Variants in DPP10 observed in about 807,000 individuals in gnomAD.
DPP10 encodes inactive dipeptidyl peptidase 10.
A neutral mutation model predicts 120.9 loss-of-function variants in DPP10; 33 were observed. The observed-to-expected ratio is 0.27, with a 90% CI of 0.21 to 0.37. The LOEUF (loss-of-function observed/expected upper bound fraction) is 0.37. Ranked by LOEUF, DPP10 falls within the 10% of genes least tolerant of loss-of-function variation. The pLI, the probability that DPP10 is intolerant of heterozygous loss-of-function variation, is 1.00. For synonymous variants in DPP10, 337 were observed against 326.1 expected, an observed-to-expected ratio of 1.03 and a Z score of -0.36; for missense variants, 816 against 942.8, an observed-to-expected ratio of 0.87 and a Z score of 1.76.
At chr2:114,550,020 A>G (rs1342370174) in intron 1 of DPP10, among the ~76,000 whole-genome samples, 1 of 152,060 alleles carries the variant, frequency 6.6e-6, no homozygotes, top group East Asian at 1.9e-4. Context: ...GCCTTCATCC[A>G]TTTGTCACCT....
intron 7 of DPP10, among the ~76,000 whole-genome samples, chr2:115,697,212 A>G (rs1484309581): frequency 2.0e-5 from 3 of 152,138 alleles, no homozygotes; most frequent in Non-Finnish European, 2.9e-5. Context: ...AAAAATCACA[A>G]AAGTAAGTTA....
rs143079613 is a variant in DPP10, at chr2:115,613,021, A to G, written c.442-76666A>G. ...TCTCTTTTTAATGTGTGTAGCCACA[A>G]CTACTACATGACCTTCATGCTTTAC... On this transcript the variant is annotated intron_variant, in intron 5 of 25. Transcript: ENST00000410059. 2.6e-5 allele frequency among the ~76,000 whole-genome samples: 4 copies of G among 152,316 alleles called. No individual in the cohort carries two copies. The East Asian group carries it at 7.7e-4, about 29-fold the overall frequency.
At chr2:115,061,586 T>G (rs751718411) in intron 1 of DPP10, among the ~76,000 whole-genome samples, 1 of 152,208 alleles carries the variant, frequency 6.6e-6, no homozygotes, top group Non-Finnish European at 1.5e-5. Context: ...TTAAATAAAA[T>G]GCACAGTGTT....
chr2:114,997,095 A>AT (rs2104972149), intron 1 of DPP10, among the ~76,000 whole-genome samples: 1 of 152,130 alleles, frequency 6.6e-6, no homozygotes, highest in East Asian at 1.9e-4. Flanking sequence ...GTGATGGGAC[A>AT]TTAATTTGTG....
Position 115,804,281 on chromosome 2 carries a change from A to G in DPP10, c.1701-10512A>G, listed in dbSNP as rs555662134. On this transcript the variant is annotated intron_variant, in intron 19 of 25. Coordinates refer to ENST00000410059, the MANE Select transcript of DPP10 (RefSeq NM_020868.6). ...TCTCGTGCCTTGGTTTTCAGCTCCA[A>G]CAGGTCCTTTAAGGACTTCTCTGCA... Among the ~76,000 whole-genome samples the G allele has an allele frequency of 1.8e-4, 27 of 152,200 alleles. No homozygotes were observed. In the South Asian group the frequency reaches 4.8e-3, roughly 27 times the overall value.
intron 1 of DPP10, among the ~76,000 whole-genome samples, chr2:115,133,725 A>G (rs1349038282): frequency 1.3e-5 from 2 of 152,128 alleles, no homozygotes; most frequent in East Asian, 3.9e-4. Context: ...CATTATAACA[A>G]TCTACAGTCT....
In DPP10 at chr2:115,703,296, G is replaced by T. The variant is rs139462529; in HGVS notation, c.576+13375G>T. 1.2e-3 allele frequency among the ~76,000 whole-genome samples: 177 copies of T among 152,020 alleles called. 2 individuals are homozygous for T. Among genetic ancestry groups the T allele is most frequent in the African/African-American group, 4.1e-3 (171 of 41,502 alleles). On this transcript the variant is annotated intron_variant, in intron 7 of 25. Coordinates refer to ENST00000410059, the MANE Select transcript of DPP10 (RefSeq NM_020868.6). ...TTACTTACATTACAAATGAAAGATG[G>T]TCATAACTAGTTCCAGTTTTGTTTA...
rs1220431413 is a variant in DPP10, at chr2:115,326,403, T to C, written c.175+17050T>C. Among the ~76,000 whole-genome samples the C allele has an allele frequency of 2.6e-5, 4 of 152,232 alleles. No individual in the cohort carries two copies. In the South Asian group the frequency reaches 6.2e-4, roughly 24 times the overall value. On this transcript the variant is annotated intron_variant, in intron 2 of 25. Coordinates refer to ENST00000410059, the MANE Select transcript of DPP10 (RefSeq NM_020868.6). ...TTATATCACATAGAATTACATATGG[T>C]ACATAATAATAATGATAATAGACTA...
intron 1 of DPP10, among the ~76,000 whole-genome samples, chr2:115,003,976 T>C: frequency 6.6e-6 from 1 of 152,344 alleles, no homozygotes; most frequent in East Asian, 1.9e-4. Flanking sequence ...TATGTAGTTA[T>C]TAGTTTATTC....
At chr2:114,495,252 T>C (rs754826939) in intron 1 of DPP10, among the ~76,000 whole-genome samples, 1 of 152,200 alleles carries the variant, frequency 6.6e-6, no homozygotes, top group Non-Finnish European at 1.5e-5. Flanking sequence ...TTTGAGCAGA[T>C]GCTGAGTTTT....
intron 25 of DPP10, among the ~76,000 whole-genome samples, chr2:115,841,683 G>A (rs1168750173): frequency 3.3e-5 from 5 of 152,082 alleles, no homozygotes; most frequent in East Asian, 1.9e-4. Context: ...GATAATATTT[G>A]TATTTTTTAT....
At chr2:114,590,624 A>G (rs1415543325) in intron 1 of DPP10, among the ~76,000 whole-genome samples, 5 of 152,216 alleles carry the variant, frequency 3.3e-5, no homozygotes, top group African/African-American at 1.2e-4. Context: ...TACTCCCATC[A>G]TGAACAATTG....
Position 115,705,818 on chromosome 2 carries a change from A to ATAAGGT in DPP10, c.576+15897_576+15898insTAAGGT, listed in dbSNP as rs2092080442. On this transcript the variant is annotated intron_variant, in intron 7 of 25. Transcript: ENST00000410059. Reference sequence around the variant, plus strand: ...GCTTTTAGTTGCAGGGTATAAAAACAATCTCCCTTACCACATTGTAGTATT... The same window carrying ATAAGGT: ...GCTTTTAGTTGCAGGGTATAAAAACATAAGGTATCTCCCTTACCACATTGTAGTATT... Among the ~76,000 whole-genome samples the ATAAGGT allele has an allele frequency of 2.6e-5, 4 of 152,044 alleles. No individual in the cohort carries two copies. The East Asian group carries it at 5.8e-4, about 22-fold the overall frequency.
chr2:114,599,361 T>C (rs1326936356), intron 1 of DPP10, among the ~76,000 whole-genome samples: 1 of 151,868 alleles, frequency 6.6e-6, no homozygotes, highest in African/African-American at 2.4e-5. Flanking sequence ...CTTTAAAAAG[T>C]GCCTTCATTT....
chr2:115,083,090 T>C (rs2104508141), intron 1 of DPP10, among the ~76,000 whole-genome samples: 1 of 152,332 alleles, frequency 6.6e-6, no homozygotes, highest in East Asian at 1.9e-4. Flanking sequence ...ATCTTTGTGC[T>C]TCTGCTGGAA....
intron 5 of DPP10, among the ~76,000 whole-genome samples, chr2:115,563,447 C>T (rs756807772): frequency 2.0e-5 from 3 of 152,040 alleles, no homozygotes; most frequent in Non-Finnish European, 4.4e-5. Context: ...AGAGCTGTTA[C>T]AATCAAATGA....
intron 3 of DPP10, among the ~76,000 whole-genome samples, chr2:115,487,084 A>G (rs1353714027): frequency 2.6e-5 from 4 of 152,116 alleles, no homozygotes; most frequent in Non-Finnish European, 5.9e-5. Context: ...TTTTAAAACA[A>G]CAGACAAACA....
At chr2:115,638,849 A>G (rs1402340465) in intron 5 of DPP10, among the ~76,000 whole-genome samples, 1 of 152,178 alleles carries the variant, frequency 6.6e-6, no homozygotes. Context: ...TTACACAAAC[A>G]CGGAAGCACT....
chr2:115,090,805 G>A, intron 1 of DPP10, among the ~76,000 whole-genome samples: 1 of 152,040 alleles, frequency 6.6e-6, no homozygotes, highest in East Asian at 1.9e-4. Context: ...TCTCTGGTTA[G>A]AGGGCAGGTT....
Sources: gnomAD v4.1 joint callset for allele counts (sites outside exome capture counted in the v4.1 genomes callset) on GRCh38, gnomAD v4.1.1 for gene constraint, MANE v1.5 for transcripts, NCBI Gene and HGNC (gene_info 2026-07-23, HGNC 2026-07-21) for gene names.